The following PLEKHA7 variants were observed in gnomAD, a reference collection of about 807,000 sequenced individuals.
The protein encoded by PLEKHA7 is pleckstrin homology domain-containing family A member 7.
PLEKHA7 carries 104 observed loss-of-function variants against 170.0 expected under a neutral mutation model. The ratio of observed to expected loss-of-function variants is 0.61; its 90% confidence interval spans 0.52 to 0.72. PLEKHA7 has a LOEUF of 0.72. PLEKHA7 is among the 30% of genes least tolerant of loss of function. The pLI is 0.00. For missense variants in PLEKHA7, 1,615 were observed against 1,671.7 expected (o/e 0.97, Z 0.59); for synonymous variants, 648 against 660.8 (o/e 0.98, Z 0.30).
Position 16,948,257 on chromosome 11 carries a change from C to T in PLEKHA7, c.221+65732G>A, listed in dbSNP as rs1324080985. ...AAATAAGTTCAAGAGATCTATTGTA[C>T]CTCATGGTGAGTACAGTAAATAACA... On this transcript the variant is annotated intron_variant, in intron 3 of 26. Transcript: ENST00000531066. Among the ~76,000 whole-genome samples, 3 of 152,204 alleles carry T rather than the reference C, an allele frequency of 2.0e-5. No homozygotes were observed. The East Asian group carries it at 5.8e-4, about 29-fold the overall frequency.
chr11:16,904,970 G>A (rs949631595), intron 3 of PLEKHA7, among the ~76,000 whole-genome samples: 1 of 152,130 alleles, frequency 6.6e-6, no homozygotes, highest in African/African-American at 2.4e-5. Context: ...ATAAAAGACA[G>A]GGCTGGACAC....
intron 3 of PLEKHA7, among the ~76,000 whole-genome samples, chr11:16,978,256 G>T (rs890795641): frequency 6.6e-6 from 1 of 152,148 alleles, no homozygotes; most frequent in African/African-American, 2.4e-5. Flanking sequence ...TGATAACAAG[G>T]CCTTTTGTTC....
chr11:16,968,985 G>C (rs1862550069), intron 3 of PLEKHA7, among the ~76,000 whole-genome samples: 1 of 152,216 alleles, frequency 6.6e-6, no homozygotes, highest in Non-Finnish European at 1.5e-5. Flanking sequence ...TAAAAAAGCA[G>C]AATGTGTGAT....
At chr11:16,964,333 A>C (rs1274337908) in intron 3 of PLEKHA7, among the ~76,000 whole-genome samples, 1 of 152,234 alleles carries the variant, frequency 6.6e-6, no homozygotes, top group Non-Finnish European at 1.5e-5. Context: ...GTATATACCT[A>C]GACATGAAAT....
Position 16,791,357 on chromosome 11 carries a change from C to T in PLEKHA7, c.2746-158G>A, listed in dbSNP as rs963716963. The T allele has an allele frequency of 1.8e-5, 12 of 674,276 alleles. No individual in the cohort carries two copies. Among genetic ancestry groups the T allele is most frequent in the East Asian group, 5.4e-5 (2 of 36,700 alleles). The allele number at this position is 674,276 out of a possible 1,614,324, so 41.8% of individuals were successfully genotyped here. ...CAAGGAGCACTCACACTTCCCCTGG[C>T]GGAGCAGTGAAGAAGGGACATGCTC... On this transcript the variant is annotated intron_variant, in intron 19 of 26. Coordinates refer to ENST00000531066, the MANE Select transcript of PLEKHA7 (RefSeq NM_001329630.2). The surrounding 1 kb of genome is among the most constrained non-coding windows in gnomAD (Gnocchi z 4.5).
chr11:16,786,324 C>G lies in PLEKHA7; in HGVS notation c.3421G>C (p.Asp1141His), dbSNP rs1476107781. 1 of 1,536,196 alleles carries G rather than the reference C, an allele frequency of 6.5e-7. No individual in the cohort carries two copies. Among genetic ancestry groups the G allele is most frequent in the African/African-American group, 1.4e-5 (1 of 73,178 alleles). ...LERVVQGEKK[D>H]KEENGWLKVQ... ...TTCAACCAGCCATTCTCCTCCTTGTCCTTTTTTTCCCCTTGCACGACCCGT... is the reference window on the plus strand; with the variant it reads ...TTCAACCAGCCATTCTCCTCCTTGTGCTTTTTTTCCCCTTGCACGACCCGT... The change falls in exon 24 of 27, where the codon GAC (aspartate) becomes CAC (histidine). Residue 1141 changes from aspartate to histidine, a missense_variant. Physicochemically the swap from Asp to His is moderately conservative, Grantham distance 81 (BLOSUM62 -1). Transcript: ENST00000531066.
At chr11:16,892,619 C>CTTTTT (rs10674972) in intron 3 of PLEKHA7, among the ~76,000 whole-genome samples, 2,084 of 82,226 alleles carry the variant, frequency 0.025, 129 homozygotes, top group African/African-American at 0.088. Context: ...CTTCCAGCTT[C>CTTTTT]TTTTTTTTTT....
intron 10 of PLEKHA7, among the ~76,000 whole-genome samples, 153 bp downstream of exon 10, chr11:16,825,967 C>T (rs1850603992): frequency 6.6e-6 from 1 of 152,216 alleles, no homozygotes; most frequent in Admixed American, 6.5e-5. Flanking sequence ...AGGAATATCA[C>T]CCTTTCTTGC....
intron 3 of PLEKHA7, among the ~76,000 whole-genome samples, chr11:16,979,249 CG>C (rs1169223201): frequency 6.6e-6 from 1 of 152,154 alleles, no homozygotes; most frequent in East Asian, 1.9e-4. Flanking sequence ...AGGCTGGTCT[CG>C]AACTCCTAAC....
At chr11:16,781,895 A>G (rs1590097679) in intron 26 of PLEKHA7, among the ~76,000 whole-genome samples, 2 of 152,260 alleles carry the variant, frequency 1.3e-5, no homozygotes, top group South Asian at 4.1e-4. Context: ...TTCCCTCCCC[A>G]GAAGAAGCAC....
intron 9 of PLEKHA7, among the ~76,000 whole-genome samples, chr11:16,838,924 G>A (rs764475190): frequency 3.3e-5 from 5 of 152,122 alleles, no homozygotes; most frequent in Non-Finnish European, 7.4e-5. Flanking sequence ...CTGACCTCAT[G>A]AGCCACCCGC....
intron 3 of PLEKHA7, among the ~76,000 whole-genome samples, chr11:16,931,347 A>C (rs7117795): frequency 0.67 from 101,818 of 151,990 alleles, 34,623 homozygotes; most frequent in East Asian, 0.89. Context: ...AAATTCTAAG[A>C]CAAGAGGCCA....
chr11:16,848,784 A>G (rs1326446729), intron 8 of PLEKHA7, among the ~76,000 whole-genome samples: 1 of 152,208 alleles, frequency 6.6e-6, no homozygotes, highest in Non-Finnish European at 1.5e-5. Context: ...AGAGTAGGCC[A>G]AGTACGGTGG....
At chr11:16,932,183 C>T (rs1859984672) in intron 3 of PLEKHA7, among the ~76,000 whole-genome samples, 1 of 152,054 alleles carries the variant, frequency 6.6e-6, no homozygotes, top group East Asian at 1.9e-4. Context: ...AAAATACCTA[C>T]CTCTGTAGTA....
chr11:16,843,437 G>C (rs1852126637), intron 8 of PLEKHA7, among the ~76,000 whole-genome samples: 1 of 152,198 alleles, frequency 6.6e-6, no homozygotes, highest in South Asian at 2.1e-4. Context: ...GATCCAAAAT[G>C]CATAGTAAAT....
At chr11:16,906,884 G>C (rs1382152403) in intron 3 of PLEKHA7, among the ~76,000 whole-genome samples, 1 of 139,350 alleles carries the variant, frequency 7.2e-6, no homozygotes, top group Non-Finnish European at 1.5e-5. Context: ...AGTGAGGAGC[G>C]TCTCTGCCAC....
At chr11:16,927,540 G>T (rs577146439) in intron 3 of PLEKHA7, among the ~76,000 whole-genome samples, 4 of 151,800 alleles carry the variant, frequency 2.6e-5, no homozygotes, top group African/African-American at 9.7e-5. Context: ...AGGATAAATT[G>T]GCCAGACAAT....
intron 3 of PLEKHA7, among the ~76,000 whole-genome samples, chr11:16,923,988 G>A (rs1385556856): frequency 1.3e-5 from 2 of 152,066 alleles, no homozygotes; most frequent in African/African-American, 2.4e-5. Flanking sequence ...CCCTGGCTGG[G>A]GTAAAAAATC....
intron 26 of PLEKHA7, among the ~76,000 whole-genome samples, chr11:16,779,984 G>C (rs866673540): frequency 0.016 from 2,391 of 148,668 alleles, 49 homozygotes; most frequent in African/African-American, 0.055. Context: ...ACGGGGAGGG[G>C]GGGGGGAATA....
Sources: allele counts gnomAD v4.1 joint callset (sites outside exome capture counted in the v4.1 genomes callset), GRCh38; gene constraint gnomAD v4.1.1; non-coding constraint Gnocchi (gnomAD v3.1); transcripts MANE v1.5; gene names NCBI Gene and HGNC (gene_info 2026-07-23, HGNC 2026-07-21).